ZC2HC1A: variants seen among roughly 807,000 people sequenced by gnomAD.
The protein encoded by ZC2HC1A is zinc finger C2HC-type containing 1A.
In ZC2HC1A, 28 loss-of-function variants were observed where a neutral mutation model predicts 40.7. The ratio of observed to expected loss-of-function variants is 0.69; its 90% CI spans 0.51 to 0.94. ZC2HC1A has a LOEUF of 0.94. Ranked by LOEUF, ZC2HC1A falls within the 40% of genes least tolerant of loss-of-function variation. ZC2HC1A has a pLI of 0.00. For synonymous variants in ZC2HC1A, 129 were observed against 129.2 expected, an observed-to-expected ratio of 1.00 and a Z score of 0.01; for missense variants, 389 against 386.3, an observed-to-expected ratio of 1.01 and a Z score of -0.06.
Position 78,686,525 on chromosome 8 carries a change from C to T in ZC2HC1A, c.269C>T (p.Thr90Ile), listed in dbSNP as rs747490567. The T allele has an allele frequency of 1.9e-6, 3 of 1,553,262 alleles. No individual in the cohort carries two copies. The highest frequency in any genetic ancestry group is 2.6e-6 in the Non-Finnish European group (3 of 1,148,982). Residue 90 changes from threonine to isoleucine, a missense_variant, in exon 4 of 9, where the codon ACC (threonine) becomes ATC (isoleucine). Transcript: ENST00000263849. ...WRRKHEEFIA[T>I]IRAAKGLDQA... ...AGGAAACATGAAGAATTCATTGCTA[C>T]CATAAGAGCAGCTAAAGGCCTTGAT...
At chr8:78,678,373 C>T (rs1017770631) in intron 2 of ZC2HC1A, among the ~76,000 whole-genome samples, 190 bp from the exon 3 acceptor site, 2 of 152,086 alleles carry the variant, frequency 1.3e-5, no homozygotes, top group Admixed American at 6.5e-5. Flanking sequence ...TAACTTAGAG[C>T]GTGCATTATA....
intron 3 of ZC2HC1A, among the ~76,000 whole-genome samples, chr8:78,682,249 A>G (rs1050292136): frequency 1.3e-5 from 2 of 152,206 alleles, no homozygotes; most frequent in Non-Finnish European, 2.9e-5. Flanking sequence ...AACCAATACC[A>G]TAAGTGCCAG....
chr8:78,697,952 A>G (rs537093951), intron 6 of ZC2HC1A, among the ~76,000 whole-genome samples: 3 of 152,310 alleles, frequency 2.0e-5, no homozygotes, highest in East Asian at 3.9e-4. Context: ...TGCTGAGATT[A>G]CTGGCGTGAG....
chr8:78,713,190 C>T (rs1811001547), intron 7 of ZC2HC1A, among the ~76,000 whole-genome samples: 1 of 151,992 alleles, frequency 6.6e-6, no homozygotes, highest in Non-Finnish European at 1.5e-5. Context: ...AAGAGTAATG[C>T]TTTGCAGATT....
chr8:78,669,958 TC>T (rs1809394253), intron 1 of ZC2HC1A, among the ~76,000 whole-genome samples: 1 of 62,452 alleles, frequency 1.6e-5, no homozygotes, highest in Non-Finnish European at 3.8e-5. Flanking sequence ...TTTCTTTCTT[TC>T]TTTCTTTCTT....
Position 78,689,374 on chromosome 8 carries a change from G to A in ZC2HC1A, c.504+1G>A, listed in dbSNP as rs1347835022. On this transcript the variant is annotated splice_donor_variant, in intron 5 of 8. Transcript: ENST00000263849. LOFTEE classifies it low-confidence loss of function (ANC_ALLELE). ...AAAACCAACTTCTCGGACACAGGTG[G>A]TAAGTTCAGTTTTAATAATTGCTAT... 1.9e-6 allele frequency: 3 copies of A among 1,572,116 alleles called. No homozygotes were observed. Among genetic ancestry groups the A allele is most frequent in the Non-Finnish European group, 2.6e-6 (3 of 1,161,856 alleles).
In ZC2HC1A at chr8:78,708,831, C is replaced by A. The variant is rs182127768; in HGVS notation, c.705-6390C>A. ...CATTAGCTGGGACAGGTGTGTGCTA[C>A]CATGTCTGGCTAATTTTGAATTTTT... On this transcript the variant is annotated intron_variant, in intron 7 of 8. Transcript: ENST00000263849. Among the ~76,000 whole-genome samples the A allele has an allele frequency of 3.0e-4, 45 of 152,042 alleles. No individual in the cohort carries two copies. In the East Asian group the frequency reaches 7.9e-3, roughly 27 times the overall value.
At chr8:78,715,729 T>A (rs1320810111) in intron 8 of ZC2HC1A, among the ~76,000 whole-genome samples, 1 of 152,236 alleles carries the variant, frequency 6.6e-6, no homozygotes, top group South Asian at 2.1e-4. Context: ...ATTGAACTGC[T>A]GCAGTCTCAC....
chr8:78,700,981 T>C lies in ZC2HC1A; in HGVS notation c.704+2468T>C, dbSNP rs947712665. Among the ~76,000 whole-genome samples the C allele has an allele frequency of 7.9e-5, 12 of 152,312 alleles. No homozygotes were observed. The East Asian group carries it at 2.3e-3, about 29-fold the overall frequency. ...AATTACCTTGGCTAGTTTGACTCAT[T>C]TTTTATTCTATATTAATGTTGAAAT... is the stretch of plus-strand genomic sequence containing the variant. On this transcript the variant is annotated intron_variant, in intron 7 of 8. Transcript: ENST00000263849.
rs567130924 is a variant in ZC2HC1A at position 78,668,227 on chromosome 8, G to T, written c.16+2063G>T. 3.9e-5 allele frequency among the ~76,000 whole-genome samples: 6 copies of T among 152,052 alleles called. No individual in the cohort carries two copies. In the South Asian group the frequency reaches 1.2e-3, roughly 32 times the overall value. ...TCAAACTCTGAGTCTTAAGGTTACC[G>T]TTCATTAATTCATCCATTCTTTCAT... On this transcript the variant is annotated intron_variant, in intron 1 of 8. Transcript: ENST00000263849.
In ZC2HC1A at chr8:78,689,311, A is replaced by G; in HGVS notation, c.442A>G (p.Ile148Val). 1.2e-6 allele frequency: 2 copies of G among 1,605,200 alleles called. No individual in the cohort carries two copies. The highest frequency in any genetic ancestry group is 1.3e-5 in the African/African-American group (1 of 74,580). Residue 148 changes from isoleucine to valine, a missense_variant, in exon 5 of 9, where the codon ATT becomes GTT. By Grantham distance (29) the Ile-to-Val change is conservative. Transcript: ENST00000263849. ...TTTCTGTAAAGAACAGGCAGCACGT[A>G]TTAGTAATAAAGGGAAATTTTCTAC... ...INFCKEQAAR[I>V]SNKGKFSTDT...
At chr8:78,698,371 CT>C in intron 6 of ZC2HC1A, 42 bp from the exon 7 acceptor site, 6 of 1,499,456 alleles carry the variant, frequency 4.0e-6, no homozygotes, top group Admixed American at 3.7e-5. Context: ...TTTATGTAAC[CT>C]TTTTTAGAGT....
chr8:78,690,862 T>A (rs558059103), intron 5 of ZC2HC1A, among the ~76,000 whole-genome samples: 1 of 152,274 alleles, frequency 6.6e-6, no homozygotes, highest in South Asian at 2.1e-4. Context: ...GTAAATGGAA[T>A]TTTATTTTAT....
intron 4 of ZC2HC1A, among the ~76,000 whole-genome samples, chr8:78,688,535 A>C (rs1426353367): frequency 6.6e-6 from 1 of 152,170 alleles, no homozygotes; most frequent in Non-Finnish European, 1.5e-5. Context: ...AGATTTTTAC[A>C]TTTATTCCCA....
At chr8:78,708,551 T>G (rs1810853546) in intron 7 of ZC2HC1A, among the ~76,000 whole-genome samples, 1 of 151,996 alleles carries the variant, frequency 6.6e-6, no homozygotes, top group East Asian at 1.9e-4. Context: ...TTTTAAACCT[T>G]TTTTTAAATG....
intron 5 of ZC2HC1A, among the ~76,000 whole-genome samples, chr8:78,696,180 G>T (rs1192620584): frequency 6.6e-6 from 1 of 151,890 alleles, no homozygotes; most frequent in Non-Finnish European, 1.5e-5. Context: ...GACTACAGGC[G>T]CCCGCTACCA....
At chr8:78,690,376 C>T (rs1382511121) in intron 5 of ZC2HC1A, among the ~76,000 whole-genome samples, 5 of 152,060 alleles carry the variant, frequency 3.3e-5, no homozygotes, top group Admixed American at 6.6e-5. Context: ...CTGGCTAACA[C>T]GGTGAAACCC....
Position 78,704,978 on chromosome 8 carries a change from A to G in ZC2HC1A, c.704+6465A>G, listed in dbSNP as rs147093853. ...GGTTATGTTCTTCTCTATACTGGCT[A>G]TTTCATCTGTTTGCTCCTGCAGTGT... On this transcript the variant is annotated intron_variant, in intron 7 of 8. Coordinates refer to ENST00000263849, the MANE Select transcript of ZC2HC1A (RefSeq NM_016010.3). Among the ~76,000 whole-genome samples the G allele has an allele frequency of 1.2e-3, 190 of 152,178 alleles. 1 individual carries two copies. Among genetic ancestry groups the G allele is most frequent in the African/African-American group, 4.3e-3 (179 of 41,532 alleles).
At chr8:78,684,113 C>T (rs571268162) in intron 3 of ZC2HC1A, among the ~76,000 whole-genome samples, 6 of 152,272 alleles carry the variant, frequency 3.9e-5, no homozygotes, top group East Asian at 1.9e-4. Flanking sequence ...AGCCTCTGCT[C>T]GTTACCCAGT....
Sources: gnomAD v4.1 joint callset for allele counts (sites outside exome capture counted in the v4.1 genomes callset) on GRCh38, gnomAD v4.1.1 for gene constraint, MANE v1.5 for transcripts, NCBI Gene and HGNC (gene_info 2026-07-23, HGNC 2026-07-21) for gene names.